GPBP1: variants seen among roughly 807,000 people sequenced by gnomAD.
The protein encoded by GPBP1 is GC-rich promoter binding protein 1.
A neutral mutation model predicts 56.5 loss-of-function variants in GPBP1; 13 were observed. The ratio of observed to expected loss-of-function variants is 0.23; its 90% CI spans 0.15 to 0.37. GPBP1 has a LOEUF of 0.37. Among genes scored for constraint, GPBP1 ranks in the 10% least tolerant of loss-of-function variants. The probability of loss-of-function intolerance (pLI) is 1.00; values close to 1 mark genes in which losing one functional copy is unlikely to be tolerated. For synonymous variants in GPBP1, 204 were observed against 188.9 expected (o/e 1.08, Z -0.66); for missense variants, 477 against 572.3 (o/e 0.83, Z 1.70).
At chr5:57,237,237 G>T in intron 6 of GPBP1, 1 of 1,048,782 alleles carries the variant, frequency 9.5e-7, no homozygotes, top group Non-Finnish European at 1.5e-6. Flanking sequence ...AGAACCACCT[G>T]GAAGGTGTTA....
chr5:57,224,747 C>G (rs997099409), intron 3 of GPBP1, among the ~76,000 whole-genome samples: 4 of 152,054 alleles, frequency 2.6e-5, no homozygotes, highest in African/African-American at 7.2e-5. Flanking sequence ...ATGACCTGAC[C>G]ATCCCTGGAC....
At chr5:57,197,099 A>G (rs1754798552) in intron 2 of GPBP1, among the ~76,000 whole-genome samples, 1 of 151,950 alleles carries the variant, frequency 6.6e-6, no homozygotes, top group Non-Finnish European at 1.5e-5. Flanking sequence ...ATTTTAGTAG[A>G]GACAGCGTTT....
intron 2 of GPBP1, among the ~76,000 whole-genome samples, chr5:57,193,389 G>C (rs918366339): frequency 6.6e-6 from 1 of 151,918 alleles, no homozygotes; most frequent in Non-Finnish European, 1.5e-5. Context: ...CGAGGTAGGA[G>C]ATCACTTGAG....
intron 3 of GPBP1, among the ~76,000 whole-genome samples, chr5:57,219,405 C>CAAAAAAAAAAAAAAAAAAAAAA (rs1200185260): frequency 2.9e-5 from 1 of 34,194 alleles, no homozygotes; most frequent in Non-Finnish European, 5.4e-5. Context: ...AAAAAAAAAC[C>CAAAAAAAAAAAAAAAAAAAAAA]AAAAACAAAC....
chr5:57,252,880 T>A (rs1449006384), intron 10 of GPBP1, among the ~76,000 whole-genome samples: 1 of 151,992 alleles, frequency 6.6e-6, no homozygotes, highest in Non-Finnish European at 1.5e-5. Context: ...TGGCTAATTT[T>A]TGTCTTTTAG....
intron 3 of GPBP1, among the ~76,000 whole-genome samples, chr5:57,218,358 C>T (rs1253890781): frequency 6.6e-6 from 1 of 152,198 alleles, no homozygotes; most frequent in Non-Finnish European, 1.5e-5. Flanking sequence ...CCCATTGGGT[C>T]TGAACAATTT....
intron 2 of GPBP1, among the ~76,000 whole-genome samples, chr5:57,195,829 C>T (rs1284472739): frequency 6.6e-6 from 1 of 151,412 alleles, no homozygotes; most frequent in East Asian, 1.9e-4. Context: ...GTGATGAAAC[C>T]CCGTCTCTAC....
intron 2 of GPBP1, among the ~76,000 whole-genome samples, chr5:57,198,607 G>T (rs188942382): frequency 6.6e-6 from 1 of 152,096 alleles, no homozygotes; most frequent in African/African-American, 2.4e-5. Flanking sequence ...TCAGCATTTT[G>T]GGAGGCTGAG....
At chr5:57,197,703 C>T (rs1754828688) in intron 2 of GPBP1, among the ~76,000 whole-genome samples, 6 of 196 alleles carry the variant, frequency 0.031, no homozygotes, top group Admixed American at 0.25. Context: ...CTTCATTTGC[C>T]AGGCAGGTGT....
intron 2 of GPBP1, among the ~76,000 whole-genome samples, chr5:57,191,033 C>T (rs1027163079): frequency 6.6e-5 from 10 of 151,894 alleles, no homozygotes; most frequent in Non-Finnish European, 1.3e-4. Context: ...GCCTTGGCCT[C>T]CCCAAGTGCT....
At chr5:57,196,005 AAT>A (rs1385166643) in intron 2 of GPBP1, among the ~76,000 whole-genome samples, 1 of 74,318 alleles carries the variant, frequency 1.3e-5, no homozygotes, top group Non-Finnish European at 3.8e-5. Flanking sequence ...AAAAAAAAAA[AAT>A]TTTTTTTTTT....
At chr5:57,201,685 A>G (rs975852754) in intron 2 of GPBP1, among the ~76,000 whole-genome samples, 5 of 152,164 alleles carry the variant, frequency 3.3e-5, no homozygotes, top group African/African-American at 1.2e-4. Context: ...ATTCTTTTTT[A>G]TATTAAAACA....
At chr5:57,192,097 T>C (rs892480470) in intron 2 of GPBP1, among the ~76,000 whole-genome samples, 1 of 152,222 alleles carries the variant, frequency 6.6e-6, no homozygotes, top group African/African-American at 2.4e-5. Context: ...CGTTATTTAC[T>C]GAAGCTCTTA....
Position 57,176,185 on chromosome 5 carries a change from A to G in GPBP1, c.-273A>G, listed in dbSNP as rs1299957036. The G allele has an allele frequency of 1.5e-5, 6 of 394,084 alleles. No individual in the cohort carries two copies. Among genetic ancestry groups the G allele is most frequent in the Admixed American group, 4.4e-5 (1 of 22,630 alleles). The allele number at this position is 394,084 out of a possible 1,614,324, so 24.4% of individuals were successfully genotyped here. ...TAAAGAAGACTTTGATCTTAAATCT[A>G]AAGAACTTGGCTAATTCGGGAGATA... On this transcript the variant is annotated 5_prime_UTR_variant, in exon 2 of 12. Coordinates refer to ENST00000506184, the MANE Select transcript of GPBP1 (RefSeq NM_022913.4).
At chr5:57,254,740 A>G (rs574728418) in intron 10 of GPBP1, among the ~76,000 whole-genome samples, 1 of 152,222 alleles carries the variant, frequency 6.6e-6, no homozygotes, top group African/African-American at 2.4e-5. Flanking sequence ...CCTTTCTCCT[A>G]AAATAATTTA....
chr5:57,262,148 T>C (rs570839460), intron 11 of GPBP1, among the ~76,000 whole-genome samples: 6 of 152,378 alleles, frequency 3.9e-5, no homozygotes, highest in African/African-American at 9.6e-5. Context: ...CTTTTAGTTA[T>C]GATTTCTCAT....
chr5:57,246,473 C>G lies in GPBP1; in HGVS notation c.652C>G (p.Pro218Ala). 1 of 1,594,924 alleles carries G rather than the reference C, an allele frequency of 6.3e-7. No homozygotes were observed. The highest frequency in any genetic ancestry group is 1.7e-4 in the Middle Eastern group (1 of 5,976). Reference protein sequence around the residue: ...YKGLVPKPAAPPTKPTQWKSQ... With the variant: ...YKGLVPKPAAAPTKPTQWKSQ... ...AGGTTTAGTCCCTAAACCTGCTGCT[C>G]CACCTACAAAAGTAAGTTCTAAATT... The change falls in exon 7 of 12, where the codon CCA (proline) becomes GCA (alanine). Residue 218 changes from proline (P) to alanine (A), a missense_variant. This residue lies in a region of GPBP1 where 414 missense variants were observed against 458.2 expected (regional missense o/e 0.90). Transcript: ENST00000506184.
chr5:57,174,636 C>G (rs1453183208), intron 1 of GPBP1, among the ~76,000 whole-genome samples: 1 of 152,102 alleles, frequency 6.6e-6, no homozygotes, highest in Non-Finnish European at 1.5e-5. Context: ...GTTTCTTCAG[C>G]AGCGCCTCAG....
At chr5:57,214,778 C>T (rs1201587653) in intron 3 of GPBP1, among the ~76,000 whole-genome samples, 5 of 151,954 alleles carry the variant, frequency 3.3e-5, no homozygotes, top group Admixed American at 3.3e-4. Context: ...GCCTCATTCT[C>T]CTGAGTATTT....
Sources: gnomAD v4.1 joint callset for allele counts (sites outside exome capture counted in the v4.1 genomes callset) on GRCh38, gnomAD v4.1.1 for gene constraint, gnomAD v4.1.1 regional missense constraint, MANE v1.5 for transcripts, NCBI Gene and HGNC (gene_info 2026-07-23, HGNC 2026-07-21) for gene names.